The following CDH4 variants were observed in gnomAD, a reference collection of about 807,000 sequenced individuals.
CDH4 encodes cadherin-4.
Under a neutral mutation model 86.0 loss-of-function variants are expected in CDH4, and 33 were observed. That is an observed-to-expected ratio of 0.38 (90% CI 0.29 to 0.51). The LOEUF (loss-of-function observed/expected upper bound fraction) is 0.51, where lower values mean the gene tolerates loss of function less well. CDH4 is among the 20% of genes least tolerant of loss of function. The pLI, the probability that CDH4 is intolerant of heterozygous loss-of-function variation, is 0.86. For synonymous variants in CDH4, 555 were observed against 549.4 expected (o/e 1.01, Z -0.14); for missense variants, 1,114 against 1,307.4 (o/e 0.85, Z 2.28).
intron 2 of CDH4, among the ~76,000 whole-genome samples, chr20:61,384,576 C>T (rs1039567202): frequency 3.5e-4 from 53 of 152,164 alleles, no homozygotes; most frequent in African/African-American, 1.1e-3. Context: ...CCACCCTCTG[C>T]GTCTTCTACC....
At chr20:61,421,732 G>T (rs2145502843) in intron 2 of CDH4, among the ~76,000 whole-genome samples, 1 of 152,344 alleles carries the variant, frequency 6.6e-6, no homozygotes, top group Non-Finnish European at 1.5e-5. Context: ...GGGTTCTGGT[G>T]CCGGGATGTG....
chr20:61,534,252 A>AT (rs1241629166), intron 2 of CDH4, among the ~76,000 whole-genome samples: 1 of 151,982 alleles, frequency 6.6e-6, no homozygotes, highest in Admixed American at 6.6e-5. Flanking sequence ...AGAGTGTTCC[A>AT]TTTTTTCTTG....
In CDH4 at chr20:61,661,022, A is replaced by G. The variant is rs569147641; in HGVS notation, c.170-82541A>G. ...GATTCTAAAAAATTCTAGTGGCTTT[A>G]ACAGGATCATTGCCAGAAAGAAGCC... On this transcript the variant is annotated intron_variant, in intron 2 of 15. Transcript: ENST00000614565. Among the ~76,000 whole-genome samples the G allele has an allele frequency of 6.1e-5, 9 of 148,132 alleles. No homozygotes were observed. In the East Asian group the frequency reaches 1.8e-3, roughly 30 times the overall value.
chr20:61,606,221 C>A lies in CDH4; in HGVS notation c.170-137342C>A, dbSNP rs2086644625. 2.6e-5 allele frequency among the ~76,000 whole-genome samples: 4 copies of A among 152,024 alleles called. No individual in the cohort carries two copies. The South Asian group carries it at 8.3e-4, about 32-fold the overall frequency. On this transcript the variant is annotated intron_variant, in intron 2 of 15. Coordinates refer to ENST00000614565, the MANE Select transcript of CDH4 (RefSeq NM_001794.5). ...TGTGGATAGAAGGTGGCCAAGCAGA[C>A]AGAGAATGGCAGAGAGACGGCCATT...
chr20:61,910,736 GGTA>G, intron 9 of CDH4, 129 bp downstream of exon 9: 2 of 860,216 alleles, frequency 2.3e-6, no homozygotes, highest in Non-Finnish European at 3.6e-6. Context: ...GGTAGAGGCA[GGTA>G]ACCCAACCTG....
At chr20:61,686,597 G>A (rs534360445) in intron 2 of CDH4, among the ~76,000 whole-genome samples, 2 of 152,008 alleles carry the variant, frequency 1.3e-5, no homozygotes, top group African/African-American at 2.4e-5. Context: ...GTGTGTGCAT[G>A]AGCACGTGTG....
intron 9 of CDH4, among the ~76,000 whole-genome samples, chr20:61,914,005 A>G (rs949554074): frequency 6.6e-6 from 1 of 152,132 alleles, no homozygotes; most frequent in Non-Finnish European, 1.5e-5. Context: ...TTCCCGAAGC[A>G]TGTCTACAGA....
intron 4 of CDH4, among the ~76,000 whole-genome samples, chr20:61,780,309 G>A (rs1034072645): frequency 6.6e-6 from 1 of 152,152 alleles, no homozygotes; most frequent in Non-Finnish European, 1.5e-5. Flanking sequence ...CCCTCAGCCC[G>A]GCTACTCCCT....
At chr20:61,924,228 A>ACTGGCC in intron 10 of CDH4, 106 bp from the exon 11 acceptor site, 1 of 1,168,210 alleles carries the variant, frequency 8.6e-7, no homozygotes, top group Non-Finnish European at 1.2e-6. Flanking sequence ...AGACAGAGAC[A>ACTGGCC]CTGGCCCAGG....
rs914348545 is a variant in CDH4, at chr20:61,829,818, A to C, written c.577-14850A>C. Among the ~76,000 whole-genome samples the C allele has an allele frequency of 6.6e-6, 1 of 152,010 alleles. No individual in the cohort carries two copies. The highest frequency in any genetic ancestry group is 1.5e-5 in the Non-Finnish European group (1 of 67,978). ...CAGGGAGTCTGTGCAGCCCTCCTCC[A>C]GACCCCAGTCCCCTTGGACCAGGGG... On this transcript the variant is annotated intron_variant, in intron 4 of 15. Coordinates refer to ENST00000614565, the MANE Select transcript of CDH4 (RefSeq NM_001794.5). This position sits in a 1 kb window ranked among gnomAD's most constrained non-coding sequence, Gnocchi z 4.2.
At chr20:61,257,652 G>T (rs1433671328) in intron 2 of CDH4, among the ~76,000 whole-genome samples, 1 of 152,246 alleles carries the variant, frequency 6.6e-6, no homozygotes, top group Non-Finnish European at 1.5e-5. Context: ...TCTAAAATAG[G>T]ACGGTGAAGC....
At chr20:61,706,097 T>C (rs1568767303) in intron 2 of CDH4, among the ~76,000 whole-genome samples, 1 of 152,192 alleles carries the variant, frequency 6.6e-6, no homozygotes, top group Non-Finnish European at 1.5e-5. Context: ...CTTTAGCCCA[T>C]GAAACTGGGT....
chr20:61,317,423 C>A (rs2084482703), intron 2 of CDH4, among the ~76,000 whole-genome samples: 2 of 152,202 alleles, frequency 1.3e-5, no homozygotes, highest in Admixed American at 1.3e-4. Context: ...TCTATCAAAT[C>A]TGTTTGCATT....
intron 6 of CDH4, among the ~76,000 whole-genome samples, chr20:61,853,610 A>T (rs1982843454): frequency 6.6e-6 from 1 of 152,034 alleles, no homozygotes; most frequent in Non-Finnish European, 1.5e-5. Context: ...GACGACCCCC[A>T]CCAGCAGTGA....
chr20:61,253,042 C>A lies in CDH4; in HGVS notation c.57+472C>A, dbSNP rs1035890890. ...GGGCCAGGGATCCGCGAGTGCGGGG[C>A]GCCTGCCCGACCTCTCCTGCCCAAG... On this transcript the variant is annotated intron_variant, in intron 1 of 15. Transcript: ENST00000614565. 6.6e-5 allele frequency among the ~76,000 whole-genome samples: 10 copies of A among 151,712 alleles called. 1 individual carries two copies. The South Asian group carries it at 1.9e-3, about 28-fold the overall frequency.
chr20:61,783,834 C>T (rs6061820), intron 4 of CDH4, among the ~76,000 whole-genome samples: 3,884 of 25,586 alleles, frequency 0.15, 50 homozygotes, highest in Middle Eastern at 0.21. Context: ...CCCAGTTCCT[C>T]GGGACAGTTC....
Position 61,879,173 on chromosome 20 carries a change from A to G in CDH4, c.1050+5273A>G, listed in dbSNP as rs1644407538. On this transcript the variant is annotated intron_variant, in intron 7 of 15. Coordinates refer to ENST00000614565, the MANE Select transcript of CDH4 (RefSeq NM_001794.5). The surrounding 1 kb of genome is among the most constrained non-coding windows in gnomAD (Gnocchi z 4.1). ...CGAGCACCAGTTCAGCTCCCCCGGG[A>G]CCCGGCCTTCACCCAGCAGAGCCAC... Among the ~76,000 whole-genome samples the G allele has an allele frequency of 6.6e-6, 1 of 152,004 alleles. No individual in the cohort carries two copies. The highest frequency in any genetic ancestry group is 2.4e-5 in the African/African-American group (1 of 41,404).
At chr20:61,418,613 G>A (rs562446014) in intron 2 of CDH4, among the ~76,000 whole-genome samples, 2 of 152,290 alleles carry the variant, frequency 1.3e-5, no homozygotes, top group Non-Finnish European at 2.9e-5. Flanking sequence ...TTGCTCTACA[G>A]CCCAGTGAAA....
intron 2 of CDH4, among the ~76,000 whole-genome samples, chr20:61,277,610 G>A (rs1056170479): frequency 6.6e-6 from 1 of 152,166 alleles, no homozygotes; most frequent in African/African-American, 2.4e-5. Flanking sequence ...AAAAAGATGG[G>A]CATAAAATGA....
Sources: allele counts gnomAD v4.1 joint callset (sites outside exome capture counted in the v4.1 genomes callset), GRCh38; gene constraint gnomAD v4.1.1; non-coding constraint Gnocchi (gnomAD v3.1); transcripts MANE v1.5; gene names NCBI Gene and HGNC (gene_info 2026-07-23, HGNC 2026-07-21).